CHORDC1: variants seen among roughly 807,000 people sequenced by gnomAD.
CHORDC1 encodes cysteine and histidine-rich domain-containing protein 1.
CHORDC1 carries 25 observed loss-of-function variants against 48.3 expected under a neutral mutation model. The observed-to-expected ratio is 0.52, with a 90% CI of 0.38 to 0.72. The LOEUF is 0.72. CHORDC1 is among the 30% of genes least tolerant of loss of function. The pLI, the probability that CHORDC1 is intolerant of heterozygous loss-of-function variation, is 0.00. For synonymous variants in CHORDC1, 128 were observed against 126.4 expected (o/e 1.01, Z -0.09); for missense variants, 317 against 388.7 (o/e 0.82, Z 1.55).
chr11:90,203,287 A>G, intron 9 of CHORDC1, 21 bp downstream of exon 9: 2 of 1,549,448 alleles, frequency 1.3e-6, no homozygotes, highest in Non-Finnish European at 1.8e-6. Flanking sequence ...ACTTTTACCC[A>G]AAATTATAAG....
chr11:90,206,174 C>T (rs1591049980), intron 7 of CHORDC1, 28 bp downstream of exon 7: 1 of 1,269,770 alleles, frequency 7.9e-7, no homozygotes, highest in East Asian at 2.3e-5. Context: ...CTACCATAAA[C>T]TATTTTAATA....
At position 90,200,577 on chromosome 11, in the gene CHORDC1, G is replaced by A. The variant is rs971814201; in HGVS notation, c.*1828C>T. Among the ~76,000 whole-genome samples the A allele has an allele frequency of 6.6e-6, 1 of 151,782 alleles. No individual in the cohort carries two copies. ...TTTTATCTGGACAAGAAATTCAAAG[G>A]CTCCTTAAGAAGAAAGTAAATACCA... On this transcript the variant is annotated 3_prime_UTR_variant, in exon 11 of 11. Coordinates refer to ENST00000320585, the MANE Select transcript of CHORDC1 (RefSeq NM_012124.3).
chr11:90,214,265 C>A, intron 3 of CHORDC1, 90 bp from the exon 4 acceptor site: 1 of 995,206 alleles, frequency 1.0e-6, no homozygotes. Context: ...GATAGTGATT[C>A]TATTTCATGT....
intron 6 of CHORDC1, among the ~76,000 whole-genome samples, chr11:90,210,234 A>G (rs1591053684): frequency 6.6e-6 from 1 of 152,174 alleles, no homozygotes; most frequent in African/African-American, 2.4e-5. Context: ...CCATTCTAGA[A>G]TATCAGCTCC....
chr11:90,221,240 T>G lies in CHORDC1; in HGVS notation c.64+1651A>C, dbSNP rs113583941. Among the ~76,000 whole-genome samples, 244 of 152,304 alleles carry G rather than the reference T, an allele frequency of 1.6e-3. 2 individuals are homozygous for G. The highest frequency in any genetic ancestry group is 5.5e-3 in the African/African-American group (229 of 41,562). On this transcript the variant is annotated intron_variant, in intron 1 of 10. Transcript: ENST00000320585. The stretch of plus-strand genomic sequence containing the variant: ...AGGTCAAACCTCTTCCTAAAAAACC[T>G]CCTAACCAACCTTTCTATTTAGTTC...
chr11:90,205,174 C>T (rs1047957888), intron 8 of CHORDC1, among the ~76,000 whole-genome samples: 1 of 152,128 alleles, frequency 6.6e-6, no homozygotes, highest in African/African-American at 2.4e-5. Flanking sequence ...GGCCATGGAG[C>T]TAATTTTATT....
chr11:90,215,332 C>T, intron 2 of CHORDC1, 102 bp from the exon 3 acceptor site: 1 of 668,400 alleles, frequency 1.5e-6, no homozygotes, highest in East Asian at 2.9e-5. Flanking sequence ...CCTGCAGTAA[C>T]TTGCGTATAG....
At chr11:90,206,112 A>G in intron 7 of CHORDC1, 90 bp downstream of exon 7, 1 of 819,432 alleles carries the variant, frequency 1.2e-6, no homozygotes, top group Non-Finnish European at 2.1e-6. Context: ...ATGCCTAATA[A>G]CACTGCATGG....
In CHORDC1 at chr11:90,200,926, G is replaced by C. The variant is rs989662964; in HGVS notation, c.*1479C>G. Reference sequence around the variant, plus strand: ...TTGAAAAATTTTAAATACATCTCCAGGTATCAGATGCTTATGTACTCCATG... The same window carrying C: ...TTGAAAAATTTTAAATACATCTCCACGTATCAGATGCTTATGTACTCCATG... On this transcript the variant is annotated 3_prime_UTR_variant, in exon 11 of 11. Coordinates refer to ENST00000320585, the MANE Select transcript of CHORDC1 (RefSeq NM_012124.3). 1.1e-4 allele frequency among the ~76,000 whole-genome samples: 17 copies of C among 151,874 alleles called. No individual in the cohort carries two copies. Among genetic ancestry groups the C allele is most frequent in the Non-Finnish European group, 1.9e-4 (13 of 67,860 alleles).
In CHORDC1 at chr11:90,200,975, A is replaced by G. The variant is rs559517464; in HGVS notation, c.*1430T>C. ...TGTGGGTCCAACTTTTACTGCCCAG[A>G]GTTTCTTGTCATGGTAATGTAACAT... On this transcript the variant is annotated 3_prime_UTR_variant, in exon 11 of 11. Coordinates refer to ENST00000320585, the MANE Select transcript of CHORDC1 (RefSeq NM_012124.3). 6.6e-6 allele frequency among the ~76,000 whole-genome samples: 1 copy of G among 152,114 alleles called. No individual in the cohort carries two copies. The highest frequency in any genetic ancestry group is 2.1e-4 in the South Asian group (1 of 4,828).
In CHORDC1 at chr11:90,206,215, T is replaced by A. The variant is rs371552667; in HGVS notation, c.550A>T (p.Ile184Phe). The A allele has an allele frequency of 1.3e-6, 2 of 1,550,446 alleles. No individual in the cohort carries two copies. The highest frequency in any genetic ancestry group is 1.8e-6 in the Non-Finnish European group (2 of 1,122,534). Reference protein sequence around the residue: ...EVCVYHSGVPIFHEGMKYWSC... With the variant: ...EVCVYHSGVPFFHEGMKYWSC... ...TGCATAAGTTACCCCTCATGGAAAA[T>A]AGGTACTCCAGAATGATATACACAG... Residue 184 changes from isoleucine to phenylalanine, a missense_variant, in exon 7 of 11, where the codon ATT becomes TTT. By Grantham distance (21) the Ile-to-Phe change is conservative. Transcript: ENST00000320585.
intron 1 of CHORDC1, among the ~76,000 whole-genome samples, chr11:90,220,725 GT>G (rs1230245045): frequency 2.0e-5 from 3 of 152,050 alleles, no homozygotes; most frequent in Non-Finnish European, 4.4e-5. Context: ...AGTTTTAAGA[GT>G]TTTGGCAAAA....
chr11:90,205,312 T>C, intron 8 of CHORDC1, 148 bp downstream of exon 8: 2 of 615,100 alleles, frequency 3.3e-6, no homozygotes, highest in African/African-American at 1.9e-5. Context: ...TTGACTCAGA[T>C]TCATTTTATT....
At chr11:90,208,340 G>C (rs1307963138) in intron 6 of CHORDC1, 2 of 152,188 alleles carry the variant, frequency 1.3e-5, no homozygotes, top group Non-Finnish European at 2.9e-5. Flanking sequence ...TGAAACAGAA[G>C]AATCGCTTGA....
chr11:90,214,237 T>A, intron 3 of CHORDC1, 62 bp from the exon 4 acceptor site: 10 of 1,164,728 alleles, frequency 8.6e-6, no homozygotes, highest in Non-Finnish European at 1.1e-5. Context: ...AGAAATATTA[T>A]CTTTTCAGTT....
intron 4 of CHORDC1, chr11:90,212,780 C>A (rs1857907058): frequency 6.7e-6 from 1 of 148,928 alleles, no homozygotes; most frequent in Admixed American, 6.9e-5. Flanking sequence ...TACATGAGCA[C>A]ACCACCAAAC....
intron 4 of CHORDC1, chr11:90,213,334 C>CA (rs35305859): frequency 0.1 from 57,408 of 566,104 alleles, 1,437 homozygotes; most frequent in Non-Finnish European, 0.12. Context: ...TACTTGCAGC[C>CA]AAAAAAAAAA....
intron 5 of CHORDC1, 127 bp downstream of exon 5, chr11:90,211,088 A>G: frequency 1.7e-6 from 1 of 577,018 alleles, no homozygotes. Context: ...CATTTAGAAG[A>G]AAAAGTTTCT....
chr11:90,222,819 C>G, intron 1 of CHORDC1, 72 bp downstream of exon 1: 1 of 1,376,638 alleles, frequency 7.3e-7, no homozygotes, highest in African/African-American at 1.4e-5. Flanking sequence ...TCCGCGGACA[C>G]CCTCCGGCCC....
Sources: gnomAD v4.1 joint callset for allele counts (sites outside exome capture counted in the v4.1 genomes callset) on GRCh38, gnomAD v4.1.1 for gene constraint, MANE v1.5 for transcripts, NCBI Gene and HGNC (gene_info 2026-07-23, HGNC 2026-07-21) for gene names.